The following ST6GAL1 variants were observed in gnomAD, a reference collection of about 807,000 sequenced individuals.
The protein encoded by ST6GAL1 is ST6 beta-galactoside alpha-2,6-sialyltransferase 1.
In ST6GAL1, 20 loss-of-function variants were observed where a neutral mutation model predicts 38.0. The observed-to-expected ratio is 0.53, with a 90% CI of 0.37 to 0.77. The LOEUF (loss-of-function observed/expected upper bound fraction) is 0.77, where lower values mean the gene tolerates loss of function less well. Among genes scored for constraint, ST6GAL1 ranks in the 30% least tolerant of loss-of-function variants. The pLI is 0.00. For missense variants in ST6GAL1, 432 were observed against 496.4 expected (o/e 0.87, Z 1.23); for synonymous variants, 196 against 188.2 (o/e 1.04, Z -0.34).
Position 186,985,562 on chromosome 3 carries a change from G to A in ST6GAL1, c.-183+21636G>A, listed in dbSNP as rs1401572595. Among the ~76,000 whole-genome samples, 4 of 150,346 alleles carry A rather than the reference G, an allele frequency of 2.7e-5. No individual in the cohort carries two copies. The East Asian group carries it at 7.8e-4, about 29-fold the overall frequency. On this transcript the variant is annotated intron_variant, in intron 2 of 7. Transcript: ENST00000169298. ...GGGTGCATCTTGAGCTCAGAAGTTC[G>A]AGATTAGCCTGGGAAACATGGCGAA...
At chr3:186,930,924 CG>C (rs1713719845) in intron 1 of ST6GAL1, 90 bp downstream of exon 1, 1 of 153,338 alleles carries the variant, frequency 6.5e-6, no homozygotes, top group Non-Finnish European at 1.5e-5. Context: ...AGCGGAGGCG[CG>C]GGGCCCGCGG....
At chr3:186,937,802 G>A (rs1714018898) in intron 1 of ST6GAL1, among the ~76,000 whole-genome samples, 1 of 152,190 alleles carries the variant, frequency 6.6e-6, no homozygotes, top group Admixed American at 6.5e-5. Flanking sequence ...GCCAGGAGTG[G>A]TGGCTCACTC....
chr3:186,932,068 CCCCAGT>C (rs941558939), intron 1 of ST6GAL1, among the ~76,000 whole-genome samples: 2 of 152,216 alleles, frequency 1.3e-5, no homozygotes, highest in Admixed American at 6.5e-5. Flanking sequence ...GGCGCCGCCG[CCCCAGT>C]GTGTGCCTGC....
intron 2 of ST6GAL1, among the ~76,000 whole-genome samples, chr3:186,981,172 A>G (rs1166229858): frequency 1.3e-5 from 2 of 152,270 alleles, no homozygotes; most frequent in Non-Finnish European, 2.9e-5. Flanking sequence ...GACAGCACTC[A>G]GAACCAGAAG....
chr3:187,045,623 A>G (rs145315741), intron 4 of ST6GAL1, among the ~76,000 whole-genome samples: 110 of 152,340 alleles, frequency 7.2e-4, no homozygotes, highest in African/African-American at 2.6e-3. Flanking sequence ...CGGAGGCTCA[A>G]GTGGTCACAC....
chr3:187,007,227 A>G (rs963481225), intron 2 of ST6GAL1, among the ~76,000 whole-genome samples: 1 of 152,218 alleles, frequency 6.6e-6, no homozygotes, highest in African/African-American at 2.4e-5. Flanking sequence ...GCAGGGGGGA[A>G]AAGCCACTGG....
At chr3:187,017,864 T>A (rs1316830109) in intron 2 of ST6GAL1, among the ~76,000 whole-genome samples, 3 of 152,206 alleles carry the variant, frequency 2.0e-5, no homozygotes, top group Non-Finnish European at 4.4e-5. Context: ...TAGTAGACAT[T>A]GTCCTCACTA....
intron 4 of ST6GAL1, among the ~76,000 whole-genome samples, chr3:187,045,906 C>G (rs6780030): frequency 6.6e-6 from 1 of 152,078 alleles, no homozygotes; most frequent in African/African-American, 2.4e-5. Context: ...CCTGTTTGGA[C>G]GGCATGTGGG....
chr3:187,048,557 T>C (rs1289353652), intron 4 of ST6GAL1, among the ~76,000 whole-genome samples: 1 of 152,152 alleles, frequency 6.6e-6, no homozygotes, highest in Non-Finnish European at 1.5e-5. Context: ...AGTGTCACAG[T>C]GTTTGTCACA....
chr3:187,026,861 C>A (rs1442802640), intron 2 of ST6GAL1, among the ~76,000 whole-genome samples: 2 of 151,972 alleles, frequency 1.3e-5, no homozygotes, highest in Non-Finnish European at 2.9e-5. Flanking sequence ...CTGGCTAACA[C>A]GGTGAAACCC....
At chr3:186,993,956 A>G (rs906788553) in intron 2 of ST6GAL1, among the ~76,000 whole-genome samples, 4 of 152,176 alleles carry the variant, frequency 2.6e-5, no homozygotes, top group African/African-American at 7.2e-5. Flanking sequence ...TGCTGCATGT[A>G]GGTAGACATG....
At chr3:187,054,178 A>G (rs923303008) in intron 5 of ST6GAL1, among the ~76,000 whole-genome samples, 12 of 152,224 alleles carry the variant, frequency 7.9e-5, no homozygotes, top group African/African-American at 2.7e-4. Context: ...GAAGTTGCTT[A>G]TCAGCTTGAG....
Position 187,030,030 on chromosome 3 carries a change from TGG to T in ST6GAL1, c.-182-8710_-182-8709del, listed in dbSNP as rs563770204. ...AATAACAAGATCAGAGATACAACTC[TGG>T]GAGTGAGTGGCCGTGGTCACAATCA... On this transcript the variant is annotated intron_variant, in intron 2 of 7. Transcript: ENST00000169298. 3.4e-3 allele frequency among the ~76,000 whole-genome samples: 525 copies of T among 152,260 alleles called. 3 individuals carry two copies. The highest frequency in any genetic ancestry group is 0.012 in the African/African-American group (489 of 41,530).
chr3:187,001,739 C>T (rs575249006), intron 2 of ST6GAL1, among the ~76,000 whole-genome samples: 3 of 152,210 alleles, frequency 2.0e-5, no homozygotes, highest in South Asian at 2.1e-4. Context: ...GGGCAGATCA[C>T]GAGGTCAGGA....
chr3:186,942,011 C>CA (rs550968645), intron 1 of ST6GAL1, among the ~76,000 whole-genome samples: 276 of 126,674 alleles, frequency 2.2e-3, no homozygotes, highest in African/African-American at 3.1e-3. Context: ...GACTCCGTCT[C>CA]AAAAAAAAAA....
chr3:186,948,177 A>G (rs1463915142), intron 1 of ST6GAL1, among the ~76,000 whole-genome samples: 1 of 152,062 alleles, frequency 6.6e-6, no homozygotes, highest in African/African-American at 2.4e-5. Context: ...AGGGTGGAGG[A>G]GGCTGTTCCA....
chr3:187,044,371 G>T (rs1327683556), intron 4 of ST6GAL1, among the ~76,000 whole-genome samples: 1 of 152,134 alleles, frequency 6.6e-6, no homozygotes, highest in Non-Finnish European at 1.5e-5. Flanking sequence ...TTGACTGCCA[G>T]GAAAAATGGT....
chr3:186,994,963 C>G (rs1368819555), intron 2 of ST6GAL1, among the ~76,000 whole-genome samples: 5 of 150,700 alleles, frequency 3.3e-5, no homozygotes, highest in Non-Finnish European at 7.4e-5. Context: ...AAAAAAGAGA[C>G]CCTTTAAAAA....
chr3:187,041,553 GTC>G (rs1226660231), intron 3 of ST6GAL1, among the ~76,000 whole-genome samples: 2 of 152,194 alleles, frequency 1.3e-5, no homozygotes, highest in African/African-American at 2.4e-5. Context: ...AGACTATTCA[GTC>G]TCTATTTGCT....
Sources: allele counts gnomAD v4.1 joint callset (sites outside exome capture counted in the v4.1 genomes callset), GRCh38; gene constraint gnomAD v4.1.1; transcripts MANE v1.5; gene names NCBI Gene and HGNC (gene_info 2026-07-23, HGNC 2026-07-21).